The following KIAA1217 variants were observed in gnomAD, a reference collection of about 807,000 sequenced individuals.
KIAA1217 encodes the protein sickle tail protein homolog.
Under a neutral mutation model 163.9 loss-of-function variants are expected in KIAA1217, and 88 were observed. The ratio of observed to expected loss-of-function variants is 0.54; its 90% CI spans 0.45 to 0.64. KIAA1217 has a LOEUF of 0.64. Among genes scored for constraint, KIAA1217 ranks in the 30% least tolerant of loss-of-function variants. The pLI, the probability that KIAA1217 is intolerant of heterozygous loss-of-function variation, is 0.00. For synonymous variants in KIAA1217, 903 were observed against 923.1 expected (o/e 0.98, Z 0.39); for missense variants, 2,372 against 2,475.0 (o/e 0.96, Z 0.88).
chr10:24,000,538 C>T (rs1051887227), intron 1 of KIAA1217, among the ~76,000 whole-genome samples: 1 of 152,164 alleles, frequency 6.6e-6, no homozygotes, highest in Admixed American at 6.5e-5. Flanking sequence ...TCTCGTATGT[C>T]CTTATAGCAG....
intron 2 of KIAA1217, among the ~76,000 whole-genome samples, chr10:24,345,734 G>T (rs748639851): frequency 1.3e-5 from 2 of 151,948 alleles, no homozygotes; most frequent in Non-Finnish European, 2.9e-5. Flanking sequence ...ATTTTTTTTG[G>T]GTGGGGGGGT....
At chr10:24,199,833 T>C (rs2067165590) in intron 2 of KIAA1217, among the ~76,000 whole-genome samples, 1 of 152,262 alleles carries the variant, frequency 6.6e-6, no homozygotes, top group Admixed American at 6.5e-5. Context: ...GACATACTAA[T>C]AACCTAAGAA....
intron 3 of KIAA1217, among the ~76,000 whole-genome samples, chr10:24,416,403 G>A (rs2058252247): frequency 6.6e-6 from 1 of 152,182 alleles, no homozygotes; most frequent in Non-Finnish European, 1.5e-5. Flanking sequence ...AGCACAACTT[G>A]AATGCCAAAA....
intron 2 of KIAA1217, among the ~76,000 whole-genome samples, chr10:24,226,098 T>G (rs957174338): frequency 1.3e-5 from 2 of 151,990 alleles, no homozygotes; most frequent in African/African-American, 4.8e-5. Context: ...TCCCCTAAGT[T>G]AAGAAGTCAA....
At chr10:24,425,532 T>A (rs1268592690) in intron 3 of KIAA1217, among the ~76,000 whole-genome samples, 28 of 152,252 alleles carry the variant, frequency 1.8e-4, no homozygotes, top group Admixed American at 1.8e-3. Flanking sequence ...ATATGCTTTG[T>A]CATTTAATAA....
chr10:23,855,632 G>C (rs576035193), intron 1 of KIAA1217, among the ~76,000 whole-genome samples: 1 of 152,136 alleles, frequency 6.6e-6, no homozygotes, highest in Admixed American at 6.5e-5. Context: ...CATTCTCCCC[G>C]TCACTTTCAG....
intron 1 of KIAA1217, among the ~76,000 whole-genome samples, chr10:23,714,043 T>C (rs1009375621): frequency 4.6e-5 from 7 of 152,132 alleles, no homozygotes; most frequent in Non-Finnish European, 1.5e-5. Context: ...TTCTCTGCCT[T>C]CTATATTTCC....
chr10:24,264,449 G>A (rs558064592), intron 2 of KIAA1217, among the ~76,000 whole-genome samples: 1 of 152,098 alleles, frequency 6.6e-6, no homozygotes, highest in East Asian at 1.9e-4. Context: ...GGTCAACAAA[G>A]TTGTGTCAGA....
chr10:23,999,161 T>A (rs1846629657), intron 1 of KIAA1217, among the ~76,000 whole-genome samples: 1 of 152,180 alleles, frequency 6.6e-6, no homozygotes. Context: ...GCGGTTTGCA[T>A]GGTTGTATGT....
At chr10:23,714,409 C>T (rs1837444212) in intron 1 of KIAA1217, among the ~76,000 whole-genome samples, 1 of 152,052 alleles carries the variant, frequency 6.6e-6, no homozygotes, top group Admixed American at 6.6e-5. Flanking sequence ...AGGATGAGAA[C>T]TTGGGCAAAT....
At chr10:24,302,655 C>T (rs1590765600) in intron 2 of KIAA1217, among the ~76,000 whole-genome samples, 1 of 151,748 alleles carries the variant, frequency 6.6e-6, no homozygotes, top group East Asian at 1.9e-4. Context: ...ACAGACAAAC[C>T]AATAGATGGC....
intron 1 of KIAA1217, among the ~76,000 whole-genome samples, chr10:23,749,648 G>T (rs1839626930): frequency 6.6e-6 from 1 of 152,144 alleles, no homozygotes; most frequent in African/African-American, 2.4e-5. Context: ...CTTGTGATCT[G>T]CCCACCTTTG....
intron 1 of KIAA1217, among the ~76,000 whole-genome samples, chr10:23,833,136 G>A (rs1473137107): frequency 6.6e-6 from 1 of 152,096 alleles, no homozygotes; most frequent in East Asian, 1.9e-4. Context: ...CAGTATATCT[G>A]TAAAATGGAG....
intron 1 of KIAA1217, among the ~76,000 whole-genome samples, chr10:23,993,815 A>G (rs1235520375): frequency 6.6e-6 from 1 of 151,890 alleles, no homozygotes; most frequent in Non-Finnish European, 1.5e-5. Context: ...CCAGACCTCA[A>G]GTTATCCACC....
intron 1 of KIAA1217, among the ~76,000 whole-genome samples, chr10:23,703,026 G>T (rs575398364): frequency 6.6e-6 from 1 of 152,006 alleles, no homozygotes; most frequent in East Asian, 1.9e-4. Flanking sequence ...CTGTATTCTG[G>T]TCCCTCGGGC....
chr10:24,237,446 G>T (rs2072445918), intron 2 of KIAA1217, among the ~76,000 whole-genome samples: 1 of 152,150 alleles, frequency 6.6e-6, no homozygotes, highest in South Asian at 2.1e-4. Flanking sequence ...CTCTCCATTT[G>T]CCTTTACATT....
intron 1 of KIAA1217, among the ~76,000 whole-genome samples, chr10:23,927,325 G>GGTGTGT (rs57321785): frequency 0.06 from 8,596 of 142,978 alleles, 495 homozygotes; most frequent in African/African-American, 0.15. Flanking sequence ...CAAGTCATAG[G>GGTGTGT]GTGTGTGTGT....
intron 1 of KIAA1217, among the ~76,000 whole-genome samples, chr10:23,809,794 A>G (rs1588865407): frequency 6.6e-6 from 1 of 152,010 alleles, no homozygotes; most frequent in African/African-American, 2.4e-5. Flanking sequence ...CCAAGGAATA[A>G]CTCTAATTAC....
At chr10:24,004,198 C>T (rs1387842597) in intron 1 of KIAA1217, among the ~76,000 whole-genome samples, 2 of 151,994 alleles carry the variant, frequency 1.3e-5, no homozygotes, top group African/African-American at 2.4e-5. Context: ...AGGCTGGTCT[C>T]GAAATCCTGA....
Sources: gnomAD v4.1 joint callset for allele counts (sites outside exome capture counted in the v4.1 genomes callset) on GRCh38, gnomAD v4.1.1 for gene constraint, MANE v1.5 for transcripts, NCBI Gene and HGNC (gene_info 2026-07-23, HGNC 2026-07-21) for gene names.